MLYCD: variants seen among roughly 807,000 people sequenced by gnomAD.
MLYCD encodes the protein malonyl-CoA decarboxylase.
Under a neutral mutation model 35.8 loss-of-function variants are expected in MLYCD, and 27 were observed. The observed-to-expected ratio is 0.75, with a 90% confidence interval of 0.56 to 1.04. The LOEUF (loss-of-function observed/expected upper bound fraction) is 1.04. Among genes scored for constraint, MLYCD ranks in the 50% least tolerant of loss-of-function variants. The pLI is 0.00. For synonymous variants in MLYCD, 403 were observed against 302.4 expected (o/e 1.33, Z -3.45); for missense variants, 917 against 665.1 (o/e 1.38, Z -4.17).
Position 83,899,614 on chromosome 16 carries a change from T to C in MLYCD, c.470T>C (p.Leu157Pro), listed in dbSNP as rs1355956986. The C allele has an allele frequency of 6.3e-7, 1 of 1,576,540 alleles. No individual in the cohort carries two copies. Among genetic ancestry groups the C allele is most frequent in the Non-Finnish European group, 8.5e-7 (1 of 1,170,172 alleles). Residue 157 changes from leucine to proline, a missense_variant, in exon 1 of 5, where the codon CTG (leucine) becomes CCG (proline). Leu to Pro is a moderately conservative substitution (Grantham distance 98). Transcript: ENST00000262430. ...LDGGVRFLVQ[L>P]RADLLEAQAL... is the part of the protein sequence containing the mutation. ...GGCGGCGTGCGCTTCCTGGTGCAGC[T>C]GCGGGCCGACCTGCTGGAGGCGCAG...
At position 83,915,259 on chromosome 16, in the gene MLYCD, C is replaced by G; in HGVS notation, c.1252C>G (p.Pro418Ala). 1 of 1,612,400 alleles carries G rather than the reference C, an allele frequency of 6.2e-7. No homozygotes were observed. The highest frequency in any genetic ancestry group is 1.1e-5 in the South Asian group (1 of 91,070). ...GEKHRGYALN[P>A]VANFHLQNGA... is the part of the protein sequence containing the mutation. ...GAAGCACCGCGGCTACGCGCTGAAC[C>G]CCGTGGCCAACTTCCACCTGCAGAA... Residue 418 changes from proline to alanine, a missense_variant, in exon 5 of 5, where the codon CCC becomes GCC. Coordinates refer to ENST00000262430, the MANE Select transcript of MLYCD (RefSeq NM_012213.3).
chr16:83,906,917 T>C (rs1046882044), intron 1 of MLYCD, 70 bp from the exon 2 acceptor site: 9 of 1,311,164 alleles, frequency 6.9e-6, no homozygotes, highest in Admixed American at 3.4e-5. Context: ...TTCCTTGTGC[T>C]GACCACAACA....
At chr16:83,902,572 C>G (rs1212746704) in intron 1 of MLYCD, among the ~76,000 whole-genome samples, 2 of 142,882 alleles carry the variant, frequency 1.4e-5, no homozygotes, top group African/African-American at 2.6e-5. Context: ...GCAGCACAAT[C>G]TCTGCTCATT....
rs1281436450 is a variant in MLYCD at position 83,926,056 on chromosome 16, A to G, written c.*10567A>G. 6.6e-6 allele frequency: 1 copy of G among 152,126 alleles called. No homozygotes were observed. Among genetic ancestry groups the G allele is most frequent in the Non-Finnish European group, 1.5e-5 (1 of 68,026 alleles). The allele number at this position is 152,126 out of a possible 1,614,324, so 9.4% of individuals were successfully genotyped here. On this transcript the variant is annotated 3_prime_UTR_variant, in exon 5 of 5. Transcript: ENST00000262430. ...CTCCAATGTGACACTTGCAGAGGGG[A>G]CCCCTGGCCTGGGGCCACGCTGGTT...
chr16:83,912,473 G>A (rs1907215426), intron 4 of MLYCD, 106 bp downstream of exon 4: 3 of 1,481,600 alleles, frequency 2.0e-6, no homozygotes. Flanking sequence ...GAAGACAGGA[G>A]CTAAAGGGAG....
chr16:83,910,820 T>G (rs1300198254), intron 3 of MLYCD, among the ~76,000 whole-genome samples: 1 of 152,086 alleles, frequency 6.6e-6, no homozygotes, highest in South Asian at 2.1e-4. Flanking sequence ...TCGGAGGATA[T>G]GTCCTTCATG....
Position 83,912,326 on chromosome 16 carries a change from C to T in MLYCD, c.907C>T (p.Leu303=). 6.2e-7 allele frequency: 1 copy of T among 1,614,184 alleles called. No homozygotes were observed. Among genetic ancestry groups the T allele is most frequent in the Non-Finnish European group, 8.5e-7 (1 of 1,180,038 alleles). The change falls in exon 4 of 5, where the codon CTG becomes TTG. Residue 303 remains leucine (L), a synonymous_variant. Transcript: ENST00000262430. ...LTQQGLQGVE[L]GTFLIKRVVK... ...CCAGCAGGGACTCCAAGGGGTGGAG[C>T]TGGGAACATTCCTCATAAAGCGAGT...
rs1906687064 is a variant in MLYCD, at chr16:83,899,280, C to T, written c.136C>T (p.Arg46Cys). 2 of 1,470,240 alleles carry T rather than the reference C, an allele frequency of 1.4e-6. No homozygotes were observed. Among genetic ancestry groups the T allele is most frequent in the Non-Finnish European group, 1.8e-6 (2 of 1,116,322 alleles). 91.1% of individuals were successfully genotyped at this position (1,470,240 alleles called of 1,614,324 possible). Residue 46 changes from arginine (R) to cysteine (C), a missense_variant, in exon 1 of 5, where the codon CGC (arginine) becomes TGC (cysteine). Physicochemically the swap from Arg to Cys is radical, Grantham distance 180. Transcript: ENST00000262430. ...GCGGGCCATGGACGAGCTGCTGCGC[C>T]GCGCGGTGCCGCCGACGCCGGCCTA... ...LERAMDELLR[R>C]AVPPTPAYEL...
intron 4 of MLYCD, 145 bp downstream of exon 4, chr16:83,912,512 C>A: frequency 1.8e-6 from 2 of 1,093,784 alleles, no homozygotes; most frequent in Non-Finnish European, 2.7e-6. Context: ...GTGCCAGAGA[C>A]CCCTTGGCAA....
At position 83,916,695 on chromosome 16, in the gene MLYCD, C is replaced by T. The variant is rs144942706; in HGVS notation, c.*1206C>T. On this transcript the variant is annotated 3_prime_UTR_variant, in exon 5 of 5. Coordinates refer to ENST00000262430, the MANE Select transcript of MLYCD (RefSeq NM_012213.3). ...CAGTGCACGTCTGTGTGCGTGTGCA[C>T]GAGCGTCTCTGTGTGTATCAGTGCA... 0.029 allele frequency: 3,799 copies of T among 129,424 alleles called. 231 individuals carry two copies. The highest frequency in any genetic ancestry group is 0.099 in the African/African-American group (3,234 of 32,598). 8.0% of individuals were successfully genotyped at this position (129,424 alleles called of 1,614,324 possible).
intron 4 of MLYCD, chr16:83,913,747 G>GAGATTGC (rs1364201839): frequency 6.7e-6 from 1 of 149,006 alleles, no homozygotes; most frequent in Non-Finnish European, 1.5e-5. Flanking sequence ...CTAGGAGGCG[G>GAGATTGC]AGATTGCAGT....
chr16:83,915,261 C>T lies in MLYCD; in HGVS notation c.1254C>T (p.Pro418=), dbSNP rs375614850. 3.7e-6 allele frequency: 6 copies of T among 1,612,294 alleles called. No homozygotes were observed. The highest frequency in any genetic ancestry group is 3.3e-5 in the Admixed American group (2 of 59,984). The change falls in exon 5 of 5, where the codon CCC becomes CCT. Residue 418 remains proline, a synonymous_variant. Transcript: ENST00000262430. ...GEKHRGYALN[P]VANFHLQNGA... is the part of the protein sequence containing the mutation. ...AGCACCGCGGCTACGCGCTGAACCC[C>T]GTGGCCAACTTCCACCTGCAGAACG...
Position 83,921,074 on chromosome 16 carries a change from A to G in MLYCD, c.*5585A>G, listed in dbSNP as rs866338783. The G allele has an allele frequency of 3.4e-5, 5 of 148,478 alleles. No homozygotes were observed. The highest frequency in any genetic ancestry group is 3.0e-5 in the Non-Finnish European group (2 of 67,184). The allele number at this position is 148,478 out of a possible 1,614,324, so 9.2% of individuals were successfully genotyped here. A position where few individuals can be genotyped will look rare whatever the true frequency, so the allele number is the denominator to read the frequency against. Reference sequence around the variant, plus strand: ...AATAGATGGCTGGGTGGGTGGAAGGAAGGAAGATGGTTGGATGGATGGAAG... The same window carrying G: ...AATAGATGGCTGGGTGGGTGGAAGGGAGGAAGATGGTTGGATGGATGGAAG... On this transcript the variant is annotated 3_prime_UTR_variant, in exon 5 of 5. Coordinates refer to ENST00000262430, the MANE Select transcript of MLYCD (RefSeq NM_012213.3).
At chr16:83,908,474 A>C (rs1907061102) in intron 3 of MLYCD, among the ~76,000 whole-genome samples, 192 bp downstream of exon 3, 1 of 150,570 alleles carries the variant, frequency 6.6e-6, no homozygotes, top group Non-Finnish European at 1.5e-5. Context: ...TAACAGGCAG[A>C]CAGTTATGGA....
At chr16:83,901,961 G>A (rs1906802252) in intron 1 of MLYCD, among the ~76,000 whole-genome samples, 1 of 152,014 alleles carries the variant, frequency 6.6e-6, no homozygotes, top group Non-Finnish European at 1.5e-5. Flanking sequence ...AATGGCTTCA[G>A]GAGCCTTTCT....
intron 3 of MLYCD, among the ~76,000 whole-genome samples, chr16:83,908,953 A>C (rs1328386724): frequency 3.9e-5 from 6 of 152,196 alleles, no homozygotes; most frequent in Non-Finnish European, 8.8e-5. Flanking sequence ...AGAGGACATG[A>C]GTGGCTGTTA....
At chr16:83,907,517 A>C (rs938200505) in intron 2 of MLYCD, among the ~76,000 whole-genome samples, 1 of 152,200 alleles carries the variant, frequency 6.6e-6, no homozygotes, top group Admixed American at 6.5e-5. Context: ...TAAACAAACT[A>C]TATCATGTGT....
At position 83,921,770 on chromosome 16, in the gene MLYCD, C is replaced by T. The variant is rs1479363363; in HGVS notation, c.*6281C>T. ...TTTCCTGAGGGATGATCTGACCACC[C>T]ATTCTTACACATGTCATCTTTCCCA... On this transcript the variant is annotated 3_prime_UTR_variant, in exon 5 of 5. Coordinates refer to ENST00000262430, the MANE Select transcript of MLYCD (RefSeq NM_012213.3). The T allele has an allele frequency of 6.6e-6, 1 of 152,196 alleles. No individual in the cohort carries two copies. Among genetic ancestry groups the T allele is most frequent in the East Asian group, 1.9e-4 (1 of 5,202 alleles). 9.4% of individuals were successfully genotyped at this position (152,196 alleles called of 1,614,324 possible).
chr16:83,914,388 G>A (rs898193182), intron 4 of MLYCD: 1 of 179,748 alleles, frequency 5.6e-6, no homozygotes, highest in African/African-American at 2.4e-5. Flanking sequence ...GCAGCTTCCG[G>A]GGCCTCACAG....
Sources: allele counts gnomAD v4.1 joint callset (sites outside exome capture counted in the v4.1 genomes callset), GRCh38; gene constraint gnomAD v4.1.1; transcripts MANE v1.5; gene names NCBI Gene and HGNC (gene_info 2026-07-23, HGNC 2026-07-21).